SLIT3: variants seen among roughly 807,000 people sequenced by gnomAD.
SLIT3 encodes the protein slit homolog 3 protein.
A neutral mutation model predicts 184.0 loss-of-function variants in SLIT3; 68 were observed. The ratio of observed to expected loss-of-function variants is 0.37; its 90% CI spans 0.30 to 0.45. The LOEUF is 0.45. SLIT3 is among the 20% of genes least tolerant of loss of function. The probability of loss-of-function intolerance (pLI) is 1.00; values close to 1 mark genes in which losing one functional copy is unlikely to be tolerated. For missense variants in SLIT3, 1,707 were observed against 2,026.0 expected, an observed-to-expected ratio of 0.84 and a Z score of 3.02; for synonymous variants, 831 against 828.6, an observed-to-expected ratio of 1.00 and a Z score of -0.05.
chr5:169,271,302 C>A (rs1766601785), intron 1 of SLIT3, among the ~76,000 whole-genome samples: 1 of 152,204 alleles, frequency 6.6e-6, no homozygotes. Flanking sequence ...CCACAATCCC[C>A]ATGCCTGCCT....
intron 8 of SLIT3, among the ~76,000 whole-genome samples, chr5:168,811,791 C>A (rs901745157): frequency 6.6e-6 from 1 of 152,202 alleles, no homozygotes; most frequent in African/African-American, 2.4e-5. Flanking sequence ...ACAGCTACAA[C>A]GGAAAACAGT....
chr5:169,185,270 T>C (rs1414508637), intron 4 of SLIT3, among the ~76,000 whole-genome samples: 1 of 152,130 alleles, frequency 6.6e-6, no homozygotes, highest in African/African-American at 2.4e-5. Flanking sequence ...AATCAGGAAA[T>C]CGGGACTCAG....
intron 2 of SLIT3, among the ~76,000 whole-genome samples, chr5:169,250,413 A>G (rs766401284): frequency 6.6e-6 from 1 of 152,262 alleles, no homozygotes; most frequent in Non-Finnish European, 1.5e-5. Context: ...CTAACAACGT[A>G]TTCCCTATAC....
chr5:168,732,403 A>T (rs1763313810), intron 20 of SLIT3, among the ~76,000 whole-genome samples: 1 of 152,114 alleles, frequency 6.6e-6, no homozygotes, highest in South Asian at 2.1e-4. Flanking sequence ...CAATCTACAG[A>T]TTCATTGCAA....
intron 5 of SLIT3, among the ~76,000 whole-genome samples, chr5:168,859,942 C>T (rs1313021470): frequency 6.6e-6 from 1 of 152,060 alleles, no homozygotes; most frequent in Non-Finnish European, 1.5e-5. Context: ...GGGAAACATT[C>T]ACCTACTTAC....
intron 5 of SLIT3, among the ~76,000 whole-genome samples, chr5:168,866,082 TC>T (rs1271781572): frequency 6.6e-6 from 1 of 152,214 alleles, no homozygotes; most frequent in African/African-American, 2.4e-5. Flanking sequence ...TTTCACTTTT[TC>T]CTTCTCTCTA....
intron 4 of SLIT3, among the ~76,000 whole-genome samples, chr5:169,092,822 C>T (rs1428080135): frequency 2.0e-5 from 3 of 152,168 alleles, no homozygotes; most frequent in Non-Finnish European, 4.4e-5. Context: ...CCCAATTCTT[C>T]AGATCTCCGG....
At chr5:168,686,021 T>G (rs1054365241) in intron 30 of SLIT3, 94 bp from the exon 31 acceptor site, 2 of 1,371,784 alleles carry the variant, frequency 1.5e-6, no homozygotes, top group African/African-American at 2.9e-5. Context: ...AGCAGAGAGG[T>G]AGAGTGAGAT....
intron 5 of SLIT3, among the ~76,000 whole-genome samples, chr5:168,877,951 C>T (rs1302767490): frequency 6.6e-6 from 1 of 152,034 alleles, no homozygotes; most frequent in African/African-American, 2.4e-5. Context: ...TTTCCCAATT[C>T]ATTTCCTTTG....
At chr5:169,258,027 C>T (rs1017912111) in intron 1 of SLIT3, among the ~76,000 whole-genome samples, 3 of 152,206 alleles carry the variant, frequency 2.0e-5, no homozygotes, top group African/African-American at 7.2e-5. Context: ...ATCCAGACAG[C>T]AACCATATAT....
At chr5:169,068,176 G>C (rs1199421872) in intron 4 of SLIT3, among the ~76,000 whole-genome samples, 1 of 152,088 alleles carries the variant, frequency 6.6e-6, no homozygotes, top group African/African-American at 2.4e-5. Flanking sequence ...TAAATCTGCT[G>C]TAAGGGAACT....
chr5:168,916,930 A>C (rs1327708379), intron 4 of SLIT3, among the ~76,000 whole-genome samples: 1 of 151,952 alleles, frequency 6.6e-6, no homozygotes, highest in Non-Finnish European at 1.5e-5. Context: ...CACCTCACCC[A>C]CGGTGCTTTG....
intron 4 of SLIT3, among the ~76,000 whole-genome samples, chr5:168,915,858 G>A (rs1285512222): frequency 6.6e-6 from 1 of 152,168 alleles, no homozygotes; most frequent in Non-Finnish European, 1.5e-5. Context: ...CAAACCAATT[G>A]TTGGAAAACA....
chr5:169,255,537 G>A (rs772842022), intron 1 of SLIT3, among the ~76,000 whole-genome samples: 3 of 152,132 alleles, frequency 2.0e-5, no homozygotes, highest in Non-Finnish European at 4.4e-5. Context: ...TACAGTTTGC[G>A]TTTTAAGCTA....
At chr5:169,210,904 C>T (rs1764244000) in intron 3 of SLIT3, among the ~76,000 whole-genome samples, 1 of 152,166 alleles carries the variant, frequency 6.6e-6, no homozygotes, top group Non-Finnish European at 1.5e-5. Context: ...TTTCCATGTT[C>T]CATTGATGTT....
chr5:168,931,168 C>A (rs977969739), intron 4 of SLIT3, among the ~76,000 whole-genome samples: 1 of 152,182 alleles, frequency 6.6e-6, no homozygotes, highest in Non-Finnish European at 1.5e-5. Context: ...GATCAAACTC[C>A]CTAGGGAAGT....
chr5:169,006,603 TCTCACACACACACACA>T (rs1755939980), intron 4 of SLIT3, among the ~76,000 whole-genome samples: 1 of 148,544 alleles, frequency 6.7e-6, no homozygotes, highest in Admixed American at 6.8e-5. Context: ...TCTCTCTCTC[TCTCACACACACACACA>T]CACACACACA....
chr5:168,763,793 A>G lies in SLIT3; in HGVS notation c.1460-1104T>C, dbSNP rs570724799. ...TTTTCTTCATCCTTTCACACTCAACATTTCACTAGCACAATGCGAGACACA... is the reference window on the plus strand; with the variant it reads ...TTTTCTTCATCCTTTCACACTCAACGTTTCACTAGCACAATGCGAGACACA... On this transcript the variant is annotated intron_variant, in intron 14 of 35. Coordinates refer to ENST00000519560, the MANE Select transcript of SLIT3 (RefSeq NM_003062.4). Among the ~76,000 whole-genome samples, 18 of 152,226 alleles carry G rather than the reference A, an allele frequency of 1.2e-4. No individual in the cohort carries two copies. In the South Asian group the frequency reaches 3.7e-3, roughly 32 times the overall value.
At chr5:168,841,599 TCATA>T (rs10585233) in intron 6 of SLIT3, among the ~76,000 whole-genome samples, 37,098 of 151,920 alleles carry the variant, frequency 0.24, 4,693 homozygotes, top group South Asian at 0.34. Context: ...TCATTTCTTC[TCATA>T]CATAGTCAGT....
Sources: gnomAD v4.1 joint callset for allele counts (sites outside exome capture counted in the v4.1 genomes callset) on GRCh38, gnomAD v4.1.1 for gene constraint, MANE v1.5 for transcripts, NCBI Gene and HGNC (gene_info 2026-07-23, HGNC 2026-07-21) for gene names.